SETBP1: variants seen among roughly 807,000 people sequenced by gnomAD.
SETBP1 encodes the protein SET-binding protein.
A neutral mutation model predicts 101.0 loss-of-function variants in SETBP1; 9 were observed. The observed-to-expected ratio is 0.09, with a 90% CI of 0.05 to 0.16. The LOEUF (loss-of-function observed/expected upper bound fraction) is 0.16. Among genes scored for constraint, SETBP1 ranks in the 10% least tolerant of loss-of-function variants. The pLI is 1.00. For missense variants in SETBP1, 1,858 were observed against 2,033.8 expected (o/e 0.91, Z 1.66); for synonymous variants, 818 against 788.5 (o/e 1.04, Z -0.63).
chr18:45,020,959 A>G (rs550108209), intron 4 of SETBP1, among the ~76,000 whole-genome samples: 12 of 152,182 alleles, frequency 7.9e-5, no homozygotes, highest in Non-Finnish European at 1.8e-4. Flanking sequence ...CAGAAATTCA[A>G]TATGTGTGGT....
chr18:44,950,677 A>T lies in SETBP1; in HGVS notation c.1337A>T (p.Glu446Val). The change falls in exon 4 of 6, where the codon GAA (glutamate) becomes GTA (valine). Residue 446 changes from glutamate (E) to valine (V), a missense_variant. Physicochemically the swap from Glu to Val is moderately radical, Grantham distance 121 (BLOSUM62 -2). This residue lies in a region of SETBP1 where 581 missense variants were observed against 535.1 expected (regional missense o/e 1.09). Coordinates refer to ENST00000649279, the MANE Select transcript of SETBP1 (RefSeq NM_015559.3). ...ALASGITMSS[E>V]VVNRILSNSE... Reference sequence around the variant, plus strand: ...GCTTCTGGAATCACCATGAGCAGTGAAGTAGTTAACAGGATACTTTCCAAC... The same window carrying T: ...GCTTCTGGAATCACCATGAGCAGTGTAGTAGTTAACAGGATACTTTCCAAC... The T allele has an allele frequency of 6.2e-7, 1 of 1,614,176 alleles. No homozygotes were observed. Among genetic ancestry groups the T allele is most frequent in the Non-Finnish European group, 8.5e-7 (1 of 1,180,010 alleles).
At chr18:44,922,663 G>A (rs1297159327) in intron 3 of SETBP1, among the ~76,000 whole-genome samples, 1 of 152,168 alleles carries the variant, frequency 6.6e-6, no homozygotes, top group African/African-American at 2.4e-5. Context: ...GAGGACAAAG[G>A]CCCCATTTTA....
chr18:44,968,146 G>T (rs1053680271), intron 4 of SETBP1, among the ~76,000 whole-genome samples: 1 of 152,156 alleles, frequency 6.6e-6, no homozygotes, highest in Non-Finnish European at 1.5e-5. Flanking sequence ...CTAAAGAATT[G>T]GTTGGATTTA....
At chr18:44,831,770 A>C (rs2072376080) in intron 2 of SETBP1, among the ~76,000 whole-genome samples, 1 of 152,198 alleles carries the variant, frequency 6.6e-6, no homozygotes, top group African/African-American at 2.4e-5. Context: ...CAAGGCATGT[A>C]GACTTCCTGA....
intron 2 of SETBP1, among the ~76,000 whole-genome samples, chr18:44,805,595 G>A (rs2071713702): frequency 6.6e-6 from 1 of 152,038 alleles, no homozygotes; most frequent in East Asian, 1.9e-4. Context: ...ATGTTCTGTT[G>A]TCCTGGTAAC....
chr18:44,722,082 A>G (rs1415596679), intron 2 of SETBP1, among the ~76,000 whole-genome samples: 1 of 152,224 alleles, frequency 6.6e-6, no homozygotes, highest in Non-Finnish European at 1.5e-5. Context: ...GCATATTGTC[A>G]CTTGTTTGCC....
At chr18:44,774,723 C>T (rs530056974) in intron 2 of SETBP1, among the ~76,000 whole-genome samples, 4 of 152,152 alleles carry the variant, frequency 2.6e-5, no homozygotes, top group Admixed American at 6.5e-5. Flanking sequence ...AACCTCAGCC[C>T]GAAAATAGTT....
At position 44,854,593 on chromosome 18, in the gene SETBP1, C is replaced by A. The variant is rs140968558; in HGVS notation, c.487-14637C>A. Among the ~76,000 whole-genome samples the A allele has an allele frequency of 1.5e-4, 23 of 152,316 alleles. No individual in the cohort carries two copies. In the East Asian group the frequency reaches 4.2e-3, roughly 28 times the overall value. On this transcript the variant is annotated intron_variant, in intron 2 of 5. Coordinates refer to ENST00000649279, the MANE Select transcript of SETBP1 (RefSeq NM_015559.3). ...TACCCTACCACCTACCCACTCCAATCTTCCCAACGTCAACAAAAATCATTC... is the reference window on the plus strand; with the variant it reads ...TACCCTACCACCTACCCACTCCAATATTCCCAACGTCAACAAAAATCATTC...
chr18:44,896,877 CCTT>C (rs1299246426), intron 3 of SETBP1, among the ~76,000 whole-genome samples: 1 of 152,144 alleles, frequency 6.6e-6, no homozygotes, highest in Non-Finnish European at 1.5e-5. Context: ...TTGTCAATGT[CCTT>C]CTTACTCTGT....
chr18:45,018,510 G>T (rs115795744), intron 4 of SETBP1, among the ~76,000 whole-genome samples: 350 of 152,288 alleles, frequency 2.3e-3, no homozygotes, highest in African/African-American at 7.9e-3. Context: ...ATATGACATT[G>T]TCTCTTTCCT....
intron 3 of SETBP1, among the ~76,000 whole-genome samples, chr18:44,885,867 A>AAAAAAAAAAAAAAAAAAAG: frequency 7.2e-6 from 1 of 138,250 alleles, no homozygotes; most frequent in Non-Finnish European, 1.6e-5. Context: ...CAAAAAAAAA[A>AAAAAAAAAAAAAAAAAAAG]ACAAGGTGAC....
chr18:44,924,010 G>GT (rs746761493), intron 3 of SETBP1, among the ~76,000 whole-genome samples: 31 of 150,706 alleles, frequency 2.1e-4, no homozygotes, highest in East Asian at 1.9e-3. Flanking sequence ...ACTCCAGTCC[G>GT]TTTTTTTTTC....
intron 2 of SETBP1, among the ~76,000 whole-genome samples, chr18:44,771,948 CAGG>C (rs2041197096): frequency 6.6e-6 from 1 of 152,202 alleles, no homozygotes; most frequent in South Asian, 2.1e-4. Context: ...TGTACGATTC[CAGG>C]AAGAGAGTTA....
chr18:44,838,531 G>A (rs2072543796), intron 2 of SETBP1, among the ~76,000 whole-genome samples: 1 of 152,142 alleles, frequency 6.6e-6, no homozygotes, highest in Non-Finnish European at 1.5e-5. Flanking sequence ...CTGTCACCTG[G>A]CCAAAGCTAG....
chr18:44,881,946 G>A lies in SETBP1; in HGVS notation c.540+12663G>A, dbSNP rs144373416. Among the ~76,000 whole-genome samples the A allele has an allele frequency of 5.9e-5, 9 of 152,232 alleles. No homozygotes were observed. In the East Asian group the frequency reaches 1.5e-3, roughly 26 times the overall value. On this transcript the variant is annotated intron_variant, in intron 3 of 5. Transcript: ENST00000649279. ...AGGCTTCTTGGCATGTTGGAGTGTC[G>A]GACGGATAACCATTAAGCAGCAATA... is the stretch of plus-strand genomic sequence containing the variant.
intron 4 of SETBP1, among the ~76,000 whole-genome samples, chr18:45,026,549 A>G (rs987775018): frequency 1.3e-5 from 2 of 152,206 alleles, no homozygotes; most frequent in Non-Finnish European, 1.5e-5. Context: ...GTCTATTACT[A>G]TAGCAAATTC....
intron 3 of SETBP1, among the ~76,000 whole-genome samples, chr18:44,936,960 C>T (rs1346288486): frequency 6.6e-6 from 1 of 152,210 alleles, no homozygotes; most frequent in Admixed American, 6.5e-5. Context: ...AAATGCCCAA[C>T]TGAGTTTAAA....
At chr18:45,058,820 T>C (rs1446208989) in intron 5 of SETBP1, among the ~76,000 whole-genome samples, 1 of 152,218 alleles carries the variant, frequency 6.6e-6, no homozygotes, top group African/African-American at 2.4e-5. Context: ...TCATGGCATA[T>C]ATTTATTTAT....
chr18:44,948,499 T>TGATAGATAGATAGATA (rs11437850), intron 3 of SETBP1, among the ~76,000 whole-genome samples: 59,277 of 149,558 alleles, frequency 0.4, 11,903 homozygotes, highest in East Asian at 0.46. Flanking sequence ...CAAAGATAGA[T>TGATAGATAGATAGATA]GATAGATAGA....
Sources: gnomAD v4.1 joint callset for allele counts (sites outside exome capture counted in the v4.1 genomes callset) on GRCh38, gnomAD v4.1.1 for gene constraint, gnomAD v4.1.1 regional missense constraint, MANE v1.5 for transcripts, NCBI Gene and HGNC (gene_info 2026-07-23, HGNC 2026-07-21) for gene names.